Variants in NLN observed in about 807,000 individuals in gnomAD.
The protein encoded by NLN is neurolysin.
Under a neutral mutation model 79.9 loss-of-function variants are expected in NLN, and 64 were observed. The observed-to-expected ratio is 0.80, with a 90% confidence interval of 0.65 to 0.99. The LOEUF (loss-of-function observed/expected upper bound fraction) is 0.99. NLN is among the 50% of genes least tolerant of loss of function. The pLI, the probability that NLN is intolerant of heterozygous loss-of-function variation, is 0.00. For missense variants in NLN, 835 were observed against 858.7 expected, an observed-to-expected ratio of 0.97 and a Z score of 0.34; for synonymous variants, 267 against 296.6, an observed-to-expected ratio of 0.90 and a Z score of 1.02.
intron 9 of NLN, among the ~76,000 whole-genome samples, chr5:65,793,804 T>C (rs1561205640): frequency 6.6e-6 from 1 of 152,192 alleles, no homozygotes; most frequent in Non-Finnish European, 1.5e-5. Flanking sequence ...CTTGCAAAGA[T>C]GATATAAGGA....
chr5:65,765,465 T>C (rs1262895127), intron 3 of NLN, among the ~76,000 whole-genome samples: 1 of 151,840 alleles, frequency 6.6e-6, no homozygotes, highest in Non-Finnish European at 1.5e-5. Context: ...TTGCAGTGAG[T>C]CTAGACTGTG....
Position 65,758,755 on chromosome 5 carries a change from T to G in NLN, c.230T>G (p.Met77Arg). 1.9e-6 allele frequency: 3 copies of G among 1,613,798 alleles called. No individual in the cohort carries two copies. The highest frequency in any genetic ancestry group is 2.5e-6 in the Non-Finnish European group (3 of 1,179,740). Reference sequence around the variant, plus strand: ...AAACAGGTGTACGATGCTGTTGGAATGCTCGGTATTGAGGAAGTAACTTAC... The same window carrying G: ...AAACAGGTGTACGATGCTGTTGGAAGGCTCGGTATTGAGGAAGTAACTTAC... The part of the protein sequence containing the change: ...QTKQVYDAVG[M>R]LGIEEVTYEN... The change falls in exon 2 of 13, where the codon ATG becomes AGG. Residue 77 changes from methionine to arginine, a missense_variant. Physicochemically the swap from Met to Arg is moderately conservative, Grantham distance 91. Coordinates refer to ENST00000380985, the MANE Select transcript of NLN (RefSeq NM_020726.5).
At chr5:65,818,389 C>G (rs577095116) in intron 12 of NLN, among the ~76,000 whole-genome samples, 20 of 152,068 alleles carry the variant, frequency 1.3e-4, no homozygotes, top group African/African-American at 4.3e-4. Context: ...ACTTCTCTAC[C>G]CCCCCATACA....
intron 1 of NLN, among the ~76,000 whole-genome samples, chr5:65,757,333 G>T (rs530582664): frequency 6.6e-6 from 1 of 152,266 alleles, no homozygotes; most frequent in Non-Finnish European, 1.5e-5. Context: ...AAGAGTATGG[G>T]TTCTGGATCC....
At position 65,829,250 on chromosome 5, in the gene NLN, T is replaced by C. The variant is rs1760975408; in HGVS notation, c.*6335T>C. 2 of 152,196 alleles carry C rather than the reference T, an allele frequency of 1.3e-5. No homozygotes were observed. The highest frequency in any genetic ancestry group is 4.1e-4 in the South Asian group (2 of 4,834). 9.4% of individuals were successfully genotyped at this position (152,196 alleles called of 1,614,324 possible). ...GGATTGTTAATGAATAGTTCATACA[T>C]GTTTGTTAAATAAATATACCTTCTT... is the stretch of plus-strand genomic sequence containing the variant. On this transcript the variant is annotated 3_prime_UTR_variant, in exon 13 of 13. Transcript: ENST00000380985.
At chr5:65,743,312 C>T (rs537341352) in intron 1 of NLN, among the ~76,000 whole-genome samples, 1 of 152,296 alleles carries the variant, frequency 6.6e-6, no homozygotes, top group African/African-American at 2.4e-5. Flanking sequence ...AAGGCCAAAA[C>T]AATCTTCAAA....
chr5:65,745,926 AAAG>A (rs1467066281), intron 1 of NLN, among the ~76,000 whole-genome samples: 1 of 152,222 alleles, frequency 6.6e-6, no homozygotes, highest in East Asian at 1.9e-4. Context: ...GATAAGAAAT[AAAG>A]AAGGAGGACA....
At chr5:65,778,171 C>T (rs990413334) in intron 4 of NLN, among the ~76,000 whole-genome samples, 1 of 152,184 alleles carries the variant, frequency 6.6e-6, no homozygotes, top group African/African-American at 2.4e-5. Context: ...ATGTTTAACA[C>T]ATGCCCCTTA....
chr5:65,782,192 T>C (rs535315982), intron 6 of NLN, among the ~76,000 whole-genome samples: 35 of 152,308 alleles, frequency 2.3e-4, no homozygotes, highest in African/African-American at 7.5e-4. Flanking sequence ...AATTCCTTTA[T>C]CAATTTTACT....
intron 7 of NLN, among the ~76,000 whole-genome samples, chr5:65,786,684 A>G (rs1050639956): frequency 1.3e-5 from 2 of 152,104 alleles, no homozygotes; most frequent in African/African-American, 4.8e-5. Context: ...AAGAGACCCC[A>G]ACCCTGTCTC....
intron 9 of NLN, among the ~76,000 whole-genome samples, chr5:65,798,835 T>C (rs1056662227): frequency 6.6e-6 from 1 of 152,222 alleles, no homozygotes; most frequent in Non-Finnish European, 1.5e-5. Flanking sequence ...ACATGTATTA[T>C]TTTTTAAAAA....
At chr5:65,729,031 A>G (rs1199219864) in intron 1 of NLN, among the ~76,000 whole-genome samples, 5 of 152,080 alleles carry the variant, frequency 3.3e-5, no homozygotes, top group Non-Finnish European at 7.4e-5. Context: ...TCTTGTAGAG[A>G]CAGGGCTTCG....
chr5:65,825,876 G>A lies in NLN; in HGVS notation c.*2961G>A, dbSNP rs1045891460. 2.0e-5 allele frequency: 3 copies of A among 152,154 alleles called. No individual in the cohort carries two copies. Among genetic ancestry groups the A allele is most frequent in the African/African-American group, 7.2e-5 (3 of 41,434 alleles). 9.4% of individuals were successfully genotyped at this position (152,154 alleles called of 1,614,324 possible). A position where few individuals can be genotyped will look rare whatever the true frequency, so the allele number is the denominator to read the frequency against. On this transcript the variant is annotated 3_prime_UTR_variant, in exon 13 of 13. Transcript: ENST00000380985. ...CTGTGGAGATTCTGCCTCCCCACTA[G>A]GCCAGTGTGTGTTTACCATTTATTC...
chr5:65,807,331 C>A (rs1159815036), intron 9 of NLN, among the ~76,000 whole-genome samples: 2 of 152,036 alleles, frequency 1.3e-5, no homozygotes, highest in Non-Finnish European at 2.9e-5. Context: ...GGAGGCAAGA[C>A]CCTCCACCAG....
Position 65,825,637 on chromosome 5 carries a change from C to T in NLN, c.*2722C>T, listed in dbSNP as rs1760900390. ...TCACCTGAGCTACTTATGCCAAGGT[C>T]TTGCCTTTCTAAAGCTAATAAGGTG... On this transcript the variant is annotated 3_prime_UTR_variant, in exon 13 of 13. Transcript: ENST00000380985. 1 of 152,146 alleles carries T rather than the reference C, an allele frequency of 6.6e-6. No homozygotes were observed. The highest frequency in any genetic ancestry group is 1.5e-5 in the Non-Finnish European group (1 of 68,014). 9.4% of individuals were successfully genotyped at this position (152,146 alleles called of 1,614,324 possible).
intron 11 of NLN, 147 bp downstream of exon 11, chr5:65,810,312 A>G: frequency 2.8e-6 from 2 of 713,822 alleles, no homozygotes; most frequent in Non-Finnish European, 4.7e-6. Context: ...TAAGCATACT[A>G]TGTCCTTATG....
At chr5:65,808,275 C>T (rs2150773046) in intron 9 of NLN, among the ~76,000 whole-genome samples, 1 of 152,286 alleles carries the variant, frequency 6.6e-6, no homozygotes, top group Middle Eastern at 3.4e-3. Flanking sequence ...TGCCCTGGGC[C>T]AAAAAGCAGA....
At chr5:65,730,860 C>T (rs1758590259) in intron 1 of NLN, among the ~76,000 whole-genome samples, 1 of 152,142 alleles carries the variant, frequency 6.6e-6, no homozygotes, top group Non-Finnish European at 1.5e-5. Context: ...CCTGTACTCA[C>T]CTTTTAAGAT....
intron 1 of NLN, among the ~76,000 whole-genome samples, chr5:65,746,117 A>G (rs746234039): frequency 7.2e-5 from 11 of 152,184 alleles, no homozygotes; most frequent in Non-Finnish European, 1.5e-4. Flanking sequence ...TGACATGTGT[A>G]GCCATACAAA....
Sources: allele counts gnomAD v4.1 joint callset (sites outside exome capture counted in the v4.1 genomes callset), GRCh38; gene constraint gnomAD v4.1.1; transcripts MANE v1.5; gene names NCBI Gene and HGNC (gene_info 2026-07-23, HGNC 2026-07-21).